PKIA: variants seen among roughly 807,000 people sequenced by gnomAD.
The protein encoded by PKIA is PKI-alpha.
Under a neutral mutation model 7.6 loss-of-function variants are expected in PKIA, and 4 were observed. That is an observed-to-expected ratio of 0.52 (90% CI 0.26 to 1.20). The LOEUF is 1.20. Ranked by LOEUF, PKIA falls within the 50% of genes most tolerant of loss-of-function variation. The pLI is 0.13. For synonymous variants in PKIA, 21 were observed against 30.7 expected (o/e 0.68, Z 1.04); for missense variants, 73 against 86.2 (o/e 0.85, Z 0.61).
chr8:78,563,533 T>A (rs555701300), intron 1 of PKIA, among the ~76,000 whole-genome samples: 1 of 152,286 alleles, frequency 6.6e-6, no homozygotes, highest in Non-Finnish European at 1.5e-5. Context: ...AACAGTATTT[T>A]TGTCTTTTGT....
At chr8:78,520,742 C>T (rs971686078) in intron 1 of PKIA, among the ~76,000 whole-genome samples, 1 of 152,126 alleles carries the variant, frequency 6.6e-6, no homozygotes, top group Non-Finnish European at 1.5e-5. Flanking sequence ...ATCTTCTCCC[C>T]AAGTACATAC....
intron 2 of PKIA, among the ~76,000 whole-genome samples, chr8:78,579,653 A>G (rs990919013): frequency 6.6e-6 from 1 of 152,112 alleles, no homozygotes; most frequent in African/African-American, 2.4e-5. Flanking sequence ...TTTAGCAATG[A>G]GCAAGTTTAT....
At chr8:78,600,401 C>T (rs564741582) in intron 3 of PKIA, among the ~76,000 whole-genome samples, 39 of 152,204 alleles carry the variant, frequency 2.6e-4, no homozygotes, top group South Asian at 8.3e-4. Flanking sequence ...GCAACAGTCT[C>T]TATGTTTTCA....
At chr8:78,556,054 GTCCTT>G (rs763083064) in intron 1 of PKIA, among the ~76,000 whole-genome samples, 5 of 152,014 alleles carry the variant, frequency 3.3e-5, no homozygotes, top group Non-Finnish European at 5.9e-5. Context: ...TGTTTCCTTT[GTCCTT>G]TCCTTTTATG....
chr8:78,537,455 A>G (rs1377354379), intron 1 of PKIA, among the ~76,000 whole-genome samples: 1 of 151,480 alleles, frequency 6.6e-6, no homozygotes, highest in Non-Finnish European at 1.5e-5. Flanking sequence ...CCTTAAAGAG[A>G]TAGTCTAAAA....
At chr8:78,529,706 C>A (rs530694336) in intron 1 of PKIA, among the ~76,000 whole-genome samples, 52 of 151,958 alleles carry the variant, frequency 3.4e-4, no homozygotes, top group Non-Finnish European at 6.3e-4. Flanking sequence ...GTTGCCTTTA[C>A]TATTAAATAA....
intron 1 of PKIA, among the ~76,000 whole-genome samples, chr8:78,525,624 T>C (rs1054222680): frequency 6.6e-6 from 1 of 152,048 alleles, no homozygotes; most frequent in Admixed American, 6.6e-5. Flanking sequence ...TACGGTGTTA[T>C]GAAAGCAAAG....
chr8:78,568,013 A>T (rs1198032952), intron 1 of PKIA, among the ~76,000 whole-genome samples: 1 of 152,096 alleles, frequency 6.6e-6, no homozygotes, highest in African/African-American at 2.4e-5. Context: ...TTCTCCAGGA[A>T]GCTCTAGTTC....
At chr8:78,517,708 A>G (rs1027720489) in intron 1 of PKIA, among the ~76,000 whole-genome samples, 1 of 152,152 alleles carries the variant, frequency 6.6e-6, no homozygotes, top group Non-Finnish European at 1.5e-5. Flanking sequence ...ACCCCTTGCT[A>G]CTGAGCCCAA....
At chr8:78,545,834 C>T (rs921916463) in intron 1 of PKIA, among the ~76,000 whole-genome samples, 8 of 152,080 alleles carry the variant, frequency 5.3e-5, no homozygotes, top group African/African-American at 4.8e-5. Context: ...TAGAAATCAT[C>T]GTGACTCCTT....
chr8:78,556,823 A>T (rs1049005038), intron 1 of PKIA, among the ~76,000 whole-genome samples: 10 of 152,130 alleles, frequency 6.6e-5, no homozygotes, highest in Non-Finnish European at 1.5e-4. Flanking sequence ...TTTGAATACT[A>T]CATCTTTATC....
chr8:78,539,589 TA>T (rs1368608159), intron 1 of PKIA, among the ~76,000 whole-genome samples: 1 of 151,984 alleles, frequency 6.6e-6, no homozygotes, highest in Non-Finnish European at 1.5e-5. Context: ...TTCACAGCAG[TA>T]AACTATAATC....
intron 2 of PKIA, among the ~76,000 whole-genome samples, chr8:78,594,171 A>T (rs903702044): frequency 1.3e-5 from 2 of 152,140 alleles, no homozygotes; most frequent in Non-Finnish European, 2.9e-5. Flanking sequence ...AGAGATAGGG[A>T]AATTAGGTAA....
At chr8:78,543,177 T>C (rs1806739059) in intron 1 of PKIA, among the ~76,000 whole-genome samples, 2 of 152,188 alleles carry the variant, frequency 1.3e-5, no homozygotes, top group Non-Finnish European at 2.9e-5. Context: ...TATTTTAAGA[T>C]TTGCTTTTAA....
At chr8:78,593,329 G>A (rs935411962) in intron 2 of PKIA, among the ~76,000 whole-genome samples, 4 of 152,122 alleles carry the variant, frequency 2.6e-5, no homozygotes, top group African/African-American at 7.2e-5. Flanking sequence ...CACCATGTTG[G>A]TCAGGGTGGT....
intron 2 of PKIA, among the ~76,000 whole-genome samples, chr8:78,588,957 A>T (rs1311315072): frequency 6.6e-6 from 1 of 152,116 alleles, no homozygotes; most frequent in African/African-American, 2.4e-5. Context: ...GAGTTAAAAG[A>T]TAAAAGATTT....
chr8:78,519,031 A>AT (rs1809366570), intron 1 of PKIA, among the ~76,000 whole-genome samples: 1 of 152,106 alleles, frequency 6.6e-6, no homozygotes, highest in African/African-American at 2.4e-5. Context: ...AGGAAAAACT[A>AT]ATTGGCTGGT....
chr8:78,536,719 C>G (rs1806533141), intron 1 of PKIA, among the ~76,000 whole-genome samples: 1 of 151,738 alleles, frequency 6.6e-6, no homozygotes, highest in Non-Finnish European at 1.5e-5. Context: ...TTTCTTTGAC[C>G]CCGAATAGTC....
intron 1 of PKIA, among the ~76,000 whole-genome samples, chr8:78,551,319 G>A (rs1806977590): frequency 6.6e-6 from 1 of 152,018 alleles, no homozygotes; most frequent in South Asian, 2.1e-4. Flanking sequence ...AGGAGCTTAT[G>A]TCTAATGTAT....
Sources: allele counts gnomAD v4.1 joint callset (sites outside exome capture counted in the v4.1 genomes callset), GRCh38; gene constraint gnomAD v4.1.1; transcripts MANE v1.5; gene names NCBI Gene and HGNC (gene_info 2026-07-23, HGNC 2026-07-21).